Variants in POLR3A observed in about 807,000 individuals in gnomAD.
POLR3A encodes DNA-directed RNA polymerase III subunit RPC1.
In POLR3A, 112 loss-of-function variants were observed where a neutral mutation model predicts 152.8. The observed-to-expected ratio is 0.73, with a 90% CI of 0.63 to 0.86. The LOEUF is 0.86. Ranked by LOEUF, POLR3A falls within the 40% of genes least tolerant of loss-of-function variation. The pLI, the probability that POLR3A is intolerant of heterozygous loss-of-function variation, is 0.00. For synonymous variants in POLR3A, 615 were observed against 652.1 expected (o/e 0.94, Z 0.87); for missense variants, 1,385 against 1,743.1 (o/e 0.79, Z 3.66).
chr10:78,000,514 A>C (rs1299819737), intron 18 of POLR3A, among the ~76,000 whole-genome samples: 1 of 152,216 alleles, frequency 6.6e-6, no homozygotes, highest in Non-Finnish European at 1.5e-5. Flanking sequence ...CACCTACAAA[A>C]CATAACCATG....
chr10:77,977,103 G>T lies in POLR3A; in HGVS notation c.*375C>A, dbSNP rs534589535. The T allele has an allele frequency of 7.5e-5, 21 of 281,090 alleles. No homozygotes were observed. Among genetic ancestry groups the T allele is most frequent in the South Asian group, 6.1e-4 (14 of 22,996 alleles). The allele number at this position is 281,090 out of a possible 1,614,324, so 17.4% of individuals were successfully genotyped here. A position where few individuals can be genotyped will look rare whatever the true frequency, so the allele number is the denominator to read the frequency against. On this transcript the variant is annotated 3_prime_UTR_variant, in exon 31 of 31. Transcript: ENST00000372371. ...GTGTGGGGCTCAGGCCTGGCTCATCGTCAGGTGTGAAGACACCATGGGGAG... is the reference window on the plus strand; with the variant it reads ...GTGTGGGGCTCAGGCCTGGCTCATCTTCAGGTGTGAAGACACCATGGGGAG...
At chr10:78,020,389 C>T (rs1245219192) in intron 8 of POLR3A, among the ~76,000 whole-genome samples, 3 of 151,854 alleles carry the variant, frequency 2.0e-5, no homozygotes, top group Non-Finnish European at 4.4e-5. Flanking sequence ...ACTCGGGAGG[C>T]TGAGGCATAA....
At chr10:78,026,548 T>C (rs577662255) in intron 1 of POLR3A, among the ~76,000 whole-genome samples, 7 of 152,330 alleles carry the variant, frequency 4.6e-5, no homozygotes, top group Admixed American at 2.0e-4. Flanking sequence ...AATCCTGAAG[T>C]GCTTTTCTCT....
intron 8 of POLR3A, 56 bp downstream of exon 8, chr10:78,021,490 A>G: frequency 6.3e-7 from 1 of 1,594,642 alleles, no homozygotes. Flanking sequence ...ATACCAAAAT[A>G]TAACGTAAAA....
rs192756661 is a variant in POLR3A, at chr10:77,983,873, G to A, written c.3429+47C>T. 4.0e-4 allele frequency: 465 copies of A among 1,168,800 alleles called. 3 individuals are homozygous for A. Among genetic ancestry groups the A allele is most frequent in the Admixed American group, 2.0e-3 (117 of 58,614 alleles). 72.4% of individuals were successfully genotyped at this position (1,168,800 alleles called of 1,614,324 possible). ...GCCCTAGTTTATCAGTACCTATCTT[G>A]GGACTAACAGGATGACTTCCTCTCT... On this transcript the variant is annotated intron_variant, in intron 26 of 30. Transcript: ENST00000372371.
In POLR3A at chr10:78,002,264, G is replaced by A. The variant is rs1564618190; in HGVS notation, c.2292C>T (p.Gly764=). Residue 764 remains glycine (G), a synonymous_variant, in exon 17 of 31, where the codon GGC becomes GGT. Coordinates refer to ENST00000372371, the MANE Select transcript of POLR3A (RefSeq NM_007055.4). ...TGTCCAGCTCCCGGAGGCAGGCACT[G>A]CCAGCGTGGTCACGGATCACAGACA... ...KELSVIRDHA[G]SACLRELDKS... is the part of the protein sequence containing the mutation. 1 of 1,605,872 alleles carries A rather than the reference G, an allele frequency of 6.2e-7. No homozygotes were observed. The highest frequency in any genetic ancestry group is 8.5e-7 in the Non-Finnish European group (1 of 1,176,830).
intron 19 of POLR3A, among the ~76,000 whole-genome samples, chr10:77,997,015 G>A (rs12242943): frequency 0.15 from 22,540 of 151,990 alleles, 3,493 homozygotes; most frequent in African/African-American, 0.38. Flanking sequence ...CACATACACA[G>A]ATCAATAAAT....
intron 15 of POLR3A, 30 bp from the exon 16 acceptor site, chr10:78,004,918 G>C: frequency 6.2e-7 from 1 of 1,600,960 alleles, no homozygotes; most frequent in Non-Finnish European, 8.6e-7. Context: ...GGAAGAAAGG[G>C]CCATAAATGA....
Position 77,977,321 on chromosome 10 carries a change from G to A in POLR3A, c.*157C>T. The stretch of plus-strand genomic sequence containing the variant: ...CTGGTGTGAGCTGCACCCTATCAGA[G>A]GAGAAGCTGCTCCTGGGGATGCCAA... On this transcript the variant is annotated 3_prime_UTR_variant, in exon 31 of 31. Transcript: ENST00000372371. 2 of 767,838 alleles carry A rather than the reference G, an allele frequency of 2.6e-6. No individual in the cohort carries two copies. The highest frequency in any genetic ancestry group is 2.9e-5 in the South Asian group (2 of 67,910). 47.6% of individuals were successfully genotyped at this position (767,838 alleles called of 1,614,324 possible). A position where few individuals can be genotyped will look rare whatever the true frequency, so the allele number is the denominator to read the frequency against.
intron 20 of POLR3A, among the ~76,000 whole-genome samples, chr10:77,991,438 C>A (rs1165212825): frequency 6.6e-6 from 1 of 152,184 alleles, no homozygotes; most frequent in African/African-American, 2.4e-5. Flanking sequence ...CTGCCCCCCA[C>A]CAGATTTACA....
Position 78,021,972 on chromosome 10 carries a change from G to A in POLR3A, c.936C>T (p.Phe312=). ...TGTAGAGGGCACACTGCAGCTGCAG[G>A]AAATCCCAGTCCTCCATGATCATCT... The part of the protein sequence containing the change: ...KTQMIMEDWD[F]LQLQCALYIN... The change falls in exon 7 of 31, where the codon TTC becomes TTT. Residue 312 remains phenylalanine (F), a synonymous_variant. Coordinates refer to ENST00000372371, the MANE Select transcript of POLR3A (RefSeq NM_007055.4). 1 of 1,614,146 alleles carries A rather than the reference G, an allele frequency of 6.2e-7. No homozygotes were observed. Among genetic ancestry groups the A allele is most frequent in the East Asian group, 2.2e-5 (1 of 44,880 alleles).
chr10:78,026,559 C>T (rs779733237), intron 1 of POLR3A, among the ~76,000 whole-genome samples: 3 of 152,200 alleles, frequency 2.0e-5, no homozygotes, highest in Non-Finnish European at 1.5e-5. Flanking sequence ...GCTTTTCTCT[C>T]GGCTTTGGTG....
At position 77,984,185 on chromosome 10, in the gene POLR3A, C is replaced by A; in HGVS notation, c.3336+20G>T. On this transcript the variant is annotated intron_variant, in intron 25 of 30. Transcript: ENST00000372371. ...ATTGCTGAGCTAGTTTTCTTGTTAT[C>A]AATAGGGATTTCTTCTTACCTCTCC... The A allele has an allele frequency of 1.3e-6, 2 of 1,508,668 alleles. No homozygotes were observed. Among genetic ancestry groups the A allele is most frequent in the South Asian group, 2.2e-5 (2 of 88,976 alleles). The allele number at this position is 1,508,668 out of a possible 1,614,324, so 93.5% of individuals were successfully genotyped here. A position where few individuals can be genotyped will look rare whatever the true frequency, so the allele number is the denominator to read the frequency against.
intron 9 of POLR3A, 101 bp downstream of exon 9, chr10:78,019,061 C>T (rs1050572042): frequency 2.7e-5 from 23 of 863,178 alleles, no homozygotes; most frequent in Middle Eastern, 2.2e-4. Flanking sequence ...CAAAATGTCA[C>T]GCAAACTGTA....
chr10:77,987,451 A>G (rs1301142888), intron 21 of POLR3A, among the ~76,000 whole-genome samples: 1 of 152,076 alleles, frequency 6.6e-6, no homozygotes, highest in Non-Finnish European at 1.5e-5. Flanking sequence ...GCTTGAGGGC[A>G]GACTGCGTAC....
intron 2 of POLR3A, 54 bp downstream of exon 2, chr10:78,026,040 C>A: frequency 6.2e-7 from 1 of 1,606,464 alleles, no homozygotes; most frequent in Non-Finnish European, 8.5e-7. Flanking sequence ...GGTAAGTCAC[C>A]AGTTTTATCA....
At chr10:77,996,883 C>T (rs1440591454) in intron 19 of POLR3A, among the ~76,000 whole-genome samples, 1 of 152,140 alleles carries the variant, frequency 6.6e-6, no homozygotes, top group Admixed American at 6.5e-5. Context: ...AGACCAATAT[C>T]CTTGATGAAC....
rs369327364 is a variant in POLR3A at position 78,009,213 on chromosome 10, G to GC, written c.1909+323dup. ...TTAAATAGTAAAATCCTTGTTTATT[G>GC]CCCCCCCCGCCGCCAAAAAGATGAC... On this transcript the variant is annotated intron_variant, in intron 14 of 30. Coordinates refer to ENST00000372371, the MANE Select transcript of POLR3A (RefSeq NM_007055.4). 3.4e-3 allele frequency among the ~76,000 whole-genome samples: 485 copies of GC among 142,152 alleles called. 2 individuals are homozygous for GC. The highest frequency in any genetic ancestry group is 9.3e-3 in the African/African-American group (357 of 38,468). 93.3% of individuals were successfully genotyped at this position (142,152 alleles called of 152,430 possible). A position where few individuals can be genotyped will look rare whatever the true frequency, so the allele number is the denominator to read the frequency against.
At position 77,976,112 on chromosome 10, in the gene POLR3A, T is replaced by C. The variant is rs1847086584; in HGVS notation, c.*1366A>G. 5.3e-5 allele frequency: 8 copies of C among 151,784 alleles called. No homozygotes were observed. The highest frequency in any genetic ancestry group is 5.3e-4 in the Admixed American group (8 of 15,232). The allele number at this position is 151,784 out of a possible 1,614,324, so 9.4% of individuals were successfully genotyped here. ...ACTATAATTTTTTATAAAAACTAAT[T>C]TTTTTTTACGCTTAATTTTTTTCTT... On this transcript the variant is annotated 3_prime_UTR_variant, in exon 31 of 31. Transcript: ENST00000372371.
Sources: gnomAD v4.1 joint callset for allele counts (sites outside exome capture counted in the v4.1 genomes callset) on GRCh38, gnomAD v4.1.1 for gene constraint, MANE v1.5 for transcripts, NCBI Gene and HGNC (gene_info 2026-07-23, HGNC 2026-07-21) for gene names.